TOX: variants seen among roughly 807,000 people sequenced by gnomAD.
The protein encoded by TOX is thymocyte selection associated high mobility group box.
Under a neutral mutation model 53.7 loss-of-function variants are expected in TOX, and 11 were observed. The observed-to-expected ratio is 0.20, with a 90% CI of 0.13 to 0.34. TOX has a LOEUF of 0.34. Ranked by LOEUF, TOX falls within the 10% of genes least tolerant of loss-of-function variation. The pLI is 1.00. For missense variants in TOX, 570 were observed against 664.6 expected (o/e 0.86, Z 1.56); for synonymous variants, 225 against 245.3 (o/e 0.92, Z 0.77).
At chr8:59,036,270 G>C (rs548941090) in intron 1 of TOX, among the ~76,000 whole-genome samples, 3 of 152,142 alleles carry the variant, frequency 2.0e-5, no homozygotes, top group Admixed American at 2.0e-4. Context: ...AGGAAATGCA[G>C]TATCTAAAGG....
chr8:58,949,663 T>G (rs932146232), intron 2 of TOX, among the ~76,000 whole-genome samples: 1 of 152,126 alleles, frequency 6.6e-6, no homozygotes, highest in African/African-American at 2.4e-5. Flanking sequence ...GGTTTTAATA[T>G]ACTATTTTAA....
At chr8:58,825,650 A>G (rs1810353229) in intron 6 of TOX, among the ~76,000 whole-genome samples, 1 of 152,234 alleles carries the variant, frequency 6.6e-6, no homozygotes, top group African/African-American at 2.4e-5. Flanking sequence ...AATAAGGAGA[A>G]TTAACTTTTT....
At chr8:58,939,171 A>C in intron 3 of TOX, 131 bp downstream of exon 3, 1 of 1,202,624 alleles carries the variant, frequency 8.3e-7, no homozygotes, top group Non-Finnish European at 1.2e-6. Flanking sequence ...TATGATTTAT[A>C]AATAACTGTC....
intron 1 of TOX, among the ~76,000 whole-genome samples, chr8:58,966,779 G>C (rs537128055): frequency 6.6e-6 from 1 of 151,792 alleles, no homozygotes; most frequent in East Asian, 1.9e-4. Flanking sequence ...TCCCTCTGCT[G>C]TTAAGGGTAA....
At chr8:59,044,481 A>T (rs542303890) in intron 1 of TOX, among the ~76,000 whole-genome samples, 1 of 152,296 alleles carries the variant, frequency 6.6e-6, no homozygotes, top group Admixed American at 6.5e-5. Flanking sequence ...GGCTACGATG[A>T]TGCCTCCAAA....
Position 58,807,618 on chromosome 8 carries a change from C to G in TOX, c.*129G>C. 1 of 970,176 alleles carries G rather than the reference C, an allele frequency of 1.0e-6. No homozygotes were observed. Among genetic ancestry groups the G allele is most frequent in the South Asian group, 1.8e-5 (1 of 57,010 alleles). The allele number at this position is 970,176 out of a possible 1,614,324, so 60.1% of individuals were successfully genotyped here. A position where few individuals can be genotyped will look rare whatever the true frequency, so the allele number is the denominator to read the frequency against. On this transcript the variant is annotated 3_prime_UTR_variant, in exon 9 of 9. Transcript: ENST00000361421. Reference sequence around the variant, plus strand: ...TTCCAGAGTGGGTGACCCACAAGCTCAAATGGTCCTAAGTGCTTAGCAACT... The same window carrying G: ...TTCCAGAGTGGGTGACCCACAAGCTGAAATGGTCCTAAGTGCTTAGCAACT...
At chr8:59,018,382 T>C (rs1814053842) in intron 1 of TOX, among the ~76,000 whole-genome samples, 1 of 152,194 alleles carries the variant, frequency 6.6e-6, no homozygotes, top group African/African-American at 2.4e-5. Context: ...GCCCTGGCAG[T>C]TGGGCTTAGC....
At chr8:58,826,970 T>A (rs536468780) in intron 5 of TOX, 68 bp from the exon 6 acceptor site, 88 of 1,274,348 alleles carry the variant, frequency 6.9e-5, no homozygotes, top group Non-Finnish European at 9.7e-5. Flanking sequence ...AAGTACAATA[T>A]AGAATGATAA....
intron 1 of TOX, among the ~76,000 whole-genome samples, chr8:58,969,534 C>A (rs1812964076): frequency 6.6e-6 from 1 of 152,122 alleles, no homozygotes; most frequent in African/African-American, 2.4e-5. Context: ...TCTCATGTAA[C>A]TTTCCCTGCT....
At chr8:58,878,214 A>G (rs893514934) in intron 3 of TOX, among the ~76,000 whole-genome samples, 4 of 152,204 alleles carry the variant, frequency 2.6e-5, no homozygotes, top group Non-Finnish European at 5.9e-5. Flanking sequence ...GGAAAAAAAA[A>G]AAAAGAGAGA....
chr8:58,989,985 T>A (rs9643507), intron 1 of TOX, among the ~76,000 whole-genome samples: 5,432 of 152,286 alleles, frequency 0.036, 262 homozygotes, highest in South Asian at 0.11. Context: ...AAGTCCTCAG[T>A]GCTGTATCCC....
chr8:58,973,436 G>A (rs1813035674), intron 1 of TOX, among the ~76,000 whole-genome samples: 1 of 152,178 alleles, frequency 6.6e-6, no homozygotes, highest in Non-Finnish European at 1.5e-5. Context: ...AAAGAAAAGG[G>A]CTTGTGAATA....
Position 59,012,077 on chromosome 8 carries a change from C to A in TOX, c.103-52069G>T, listed in dbSNP as rs529864120. 3.9e-5 allele frequency among the ~76,000 whole-genome samples: 6 copies of A among 152,220 alleles called. No homozygotes were observed. The South Asian group carries it at 6.2e-4, about 16-fold the overall frequency. ...CATTGCATCCTCCTTCTCCCTGTCA[C>A]CCTTGTATCCTCTCAAAAAAATGTG... is the stretch of plus-strand genomic sequence containing the variant. On this transcript the variant is annotated intron_variant, in intron 1 of 8. Transcript: ENST00000361421.
chr8:59,003,584 G>A (rs1468325951), intron 1 of TOX, among the ~76,000 whole-genome samples: 3 of 152,104 alleles, frequency 2.0e-5, no homozygotes, highest in Non-Finnish European at 4.4e-5. Context: ...TCGGATTTTC[G>A]GATGTTAAAT....
At chr8:59,042,229 T>C (rs1803601050) in intron 1 of TOX, among the ~76,000 whole-genome samples, 1 of 152,180 alleles carries the variant, frequency 6.6e-6, no homozygotes, top group Non-Finnish European at 1.5e-5. Flanking sequence ...GAGCCCTGAG[T>C]ATTGCCTGTC....
intron 2 of TOX, among the ~76,000 whole-genome samples, chr8:58,953,048 C>A (rs555763517): frequency 1.3e-5 from 2 of 151,022 alleles, no homozygotes; most frequent in South Asian, 4.2e-4. Context: ...GGCCTATTTA[C>A]TTTTTTTTTA....
At position 59,027,032 on chromosome 8, in the gene TOX, A is replaced by G. The variant is rs190780868; in HGVS notation, c.103-67024T>C. On this transcript the variant is annotated intron_variant, in intron 1 of 8. Transcript: ENST00000361421. Reference sequence around the variant, plus strand: ...AGGCTTTCGTGATTACCAAAATTCCATTGGCTAGTTCCCTGTTTGCACCTT... The same window carrying G: ...AGGCTTTCGTGATTACCAAAATTCCGTTGGCTAGTTCCCTGTTTGCACCTT... Among the ~76,000 whole-genome samples, 192 of 152,200 alleles carry G rather than the reference A, an allele frequency of 1.3e-3. 4 individuals are homozygous for G. The highest frequency in any genetic ancestry group is 0.012 in the Admixed American group (190 of 15,278).
chr8:59,059,006 T>C (rs1337289388), intron 1 of TOX, among the ~76,000 whole-genome samples: 1 of 152,154 alleles, frequency 6.6e-6, no homozygotes, highest in Non-Finnish European at 1.5e-5. Flanking sequence ...TTCTAGAATG[T>C]AGGAGGCAAA....
At chr8:59,035,489 T>C (rs144355187) in intron 1 of TOX, among the ~76,000 whole-genome samples, 1 of 152,332 alleles carries the variant, frequency 6.6e-6, no homozygotes, top group African/African-American at 2.4e-5. Flanking sequence ...ATCCTCTGTG[T>C]CAGCCTCCAA....
Sources: gnomAD v4.1 joint callset for allele counts (sites outside exome capture counted in the v4.1 genomes callset) on GRCh38, gnomAD v4.1.1 for gene constraint, MANE v1.5 for transcripts, NCBI Gene and HGNC (gene_info 2026-07-23, HGNC 2026-07-21) for gene names.